The following HIF1A variants were observed in gnomAD, a reference collection of about 807,000 sequenced individuals.
HIF1A encodes the protein hypoxia-inducible factor 1-alpha.
In HIF1A, 24 loss-of-function variants were observed where a neutral mutation model predicts 92.7. That is an observed-to-expected ratio of 0.26 (90% confidence interval 0.19 to 0.36). The LOEUF (loss-of-function observed/expected upper bound fraction) is 0.36, where lower values mean the gene tolerates loss of function less well. HIF1A is among the 10% of genes least tolerant of loss of function. HIF1A has a pLI of 1.00. For missense variants in HIF1A, 799 were observed against 998.5 expected (o/e 0.80, Z 2.69); for synonymous variants, 319 against 338.7 (o/e 0.94, Z 0.64).
chr14:61,697,457 CT>C (rs577703221), intron 1 of HIF1A, among the ~76,000 whole-genome samples: 1 of 152,118 alleles, frequency 6.6e-6, no homozygotes, highest in Non-Finnish European at 1.5e-5. Context: ...TTATGTACCA[CT>C]TTTTTTATAT....
At position 61,747,355 on chromosome 14, in the gene HIF1A, T is replaced by G. The variant is rs2044806751; in HGVS notation, c.*270T>G. On this transcript the variant is annotated 3_prime_UTR_variant, in exon 15 of 15. Transcript: ENST00000337138. Reference sequence around the variant, plus strand: ...AGCATCATTTTAAAAAATGCACCTTTTTATTTATTTATTTTTGGCTAGGGA... The same window carrying G: ...AGCATCATTTTAAAAAATGCACCTTGTTATTTATTTATTTTTGGCTAGGGA... The G allele has an allele frequency of 8.6e-6, 2 of 233,834 alleles. No individual in the cohort carries two copies. The highest frequency in any genetic ancestry group is 1.6e-5 in the Non-Finnish European group (2 of 122,058). 14.5% of individuals were successfully genotyped at this position (233,834 alleles called of 1,614,324 possible). A position where few individuals can be genotyped will look rare whatever the true frequency, so the allele number is the denominator to read the frequency against.
At chr14:61,700,383 A>G (rs547754587) in intron 1 of HIF1A, among the ~76,000 whole-genome samples, 1 of 152,300 alleles carries the variant, frequency 6.6e-6, no homozygotes, top group Admixed American at 6.5e-5. Context: ...GATGCCTCAT[A>G]TAAATAGAAT....
At chr14:61,700,287 C>A (rs979392261) in intron 1 of HIF1A, among the ~76,000 whole-genome samples, 2 of 152,076 alleles carry the variant, frequency 1.3e-5, no homozygotes, top group Non-Finnish European at 2.9e-5. Flanking sequence ...GAAATCTTAC[C>A]CATTAAACAA....
intron 7 of HIF1A, 46 bp downstream of exon 7, chr14:61,732,570 T>C: frequency 1.7e-6 from 2 of 1,194,184 alleles, no homozygotes; most frequent in Non-Finnish European, 2.5e-6. Flanking sequence ...TACTTAACTG[T>C]TGCAACCTCT....
chr14:61,745,938 T>C, intron 14 of HIF1A, 121 bp downstream of exon 14: 1 of 945,274 alleles, frequency 1.1e-6, no homozygotes, highest in South Asian at 1.7e-5. Context: ...AAAAGTAAAG[T>C]TGTGGCTGGG....
At chr14:61,733,073 TTTTTA>T (rs201955172) in intron 7 of HIF1A, among the ~76,000 whole-genome samples, 3,002 of 152,218 alleles carry the variant, frequency 0.02, 41 homozygotes, top group African/African-American at 0.028. Flanking sequence ...CTTTTGGTTA[TTTTTA>T]TTTTATTTTA....
chr14:61,712,073 TAATC>T (rs1030460044), intron 1 of HIF1A, among the ~76,000 whole-genome samples: 1 of 152,202 alleles, frequency 6.6e-6, no homozygotes, highest in African/African-American at 2.4e-5. Flanking sequence ...GAAAATAAAA[TAATC>T]AAGTAAGATA....
Position 61,732,387 on chromosome 14 carries a change from T to C in HIF1A, c.774-31T>C. Reference sequence around the variant, plus strand: ...TTTTCTTTATCAGTGTCTCCCTTTTTTTTCTTAAATCTTGTATTTTTTACT... The same window carrying C: ...TTTTCTTTATCAGTGTCTCCCTTTTCTTTCTTAAATCTTGTATTTTTTACT... On this transcript the variant is annotated intron_variant, in intron 6 of 14. Transcript: ENST00000337138. 5 of 1,458,642 alleles carry C rather than the reference T, an allele frequency of 3.4e-6. No individual in the cohort carries two copies. The East Asian group carries it at 9.1e-5, about 27-fold the overall frequency. The allele number at this position is 1,458,642 out of a possible 1,614,324, so 90.4% of individuals were successfully genotyped here.
chr14:61,698,590 T>TC (rs2044141862), intron 1 of HIF1A, among the ~76,000 whole-genome samples: 2 of 152,336 alleles, frequency 1.3e-5, no homozygotes, highest in Admixed American at 1.3e-4. Flanking sequence ...TGCTAGTCCT[T>TC]CCAGCTGTTT....
At position 61,745,715 on chromosome 14, in the gene HIF1A, G is replaced by A; in HGVS notation, c.2227G>A (p.Asp743Asn). The A allele has an allele frequency of 1.9e-6, 3 of 1,612,856 alleles. No individual in the cohort carries two copies. The highest frequency in any genetic ancestry group is 2.5e-6 in the Non-Finnish European group (3 of 1,178,980). Reference sequence around the variant, plus strand: ...GGGAACATTATTACAGCAGCCAGACGATCATGCAGCTACTACATCACTTTC... The same window carrying A: ...GGGAACATTATTACAGCAGCCAGACAATCATGCAGCTACTACATCACTTTC... ...GIGTLLQQPD[D>N]HAATTSLSWK... Residue 743 changes from aspartate (D) to asparagine (N), a missense_variant, in exon 14 of 15, where the codon GAT becomes AAT. Asp to Asn is a conservative substitution (Grantham distance 23). Transcript: ENST00000337138.
chr14:61,739,419 A>G (rs879557245), intron 10 of HIF1A, among the ~76,000 whole-genome samples: 5 of 152,218 alleles, frequency 3.3e-5, no homozygotes, highest in Non-Finnish European at 5.9e-5. Context: ...TCTGAACATT[A>G]TAACTTGATA....
intron 6 of HIF1A, among the ~76,000 whole-genome samples, chr14:61,731,553 C>T (rs1364051055): frequency 1.3e-5 from 2 of 152,110 alleles, no homozygotes; most frequent in African/African-American, 4.8e-5. Flanking sequence ...CTTCAAAAAC[C>T]AACATAATTC....
intron 1 of HIF1A, among the ~76,000 whole-genome samples, chr14:61,719,721 A>C (rs2044403708): frequency 6.6e-6 from 1 of 152,166 alleles, no homozygotes. Context: ...TGTGTGTGCC[A>C]CAGCTTTTTT....
chr14:61,733,055 G>A (rs930961892), intron 7 of HIF1A, among the ~76,000 whole-genome samples: 4 of 152,022 alleles, frequency 2.6e-5, no homozygotes, highest in African/African-American at 7.2e-5. Context: ...AAACAATCCA[G>A]TTATACTCTT....
chr14:61,728,872 C>A (rs181631219), intron 6 of HIF1A, among the ~76,000 whole-genome samples: 1 of 152,058 alleles, frequency 6.6e-6, no homozygotes, highest in Admixed American at 6.6e-5. Context: ...GAAAATGCCT[C>A]AAATGCTTCC....
At chr14:61,735,691 A>G (rs2044626871) in intron 8 of HIF1A, among the ~76,000 whole-genome samples, 1 of 152,258 alleles carries the variant, frequency 6.6e-6, no homozygotes, top group African/African-American at 2.4e-5. Context: ...CCAAACGTGA[A>G]GATAAACTAT....
At chr14:61,716,344 A>G (rs2044363604) in intron 1 of HIF1A, among the ~76,000 whole-genome samples, 1 of 152,204 alleles carries the variant, frequency 6.6e-6, no homozygotes, top group Admixed American at 6.5e-5. Flanking sequence ...TCCTGTAGAA[A>G]TACTGACGCA....
intron 4 of HIF1A, among the ~76,000 whole-genome samples, chr14:61,722,532 G>A (rs914079103): frequency 2.0e-5 from 3 of 152,254 alleles, no homozygotes; most frequent in South Asian, 4.1e-4. Context: ...ACCACACCTG[G>A]TGGAGTTAAA....
At chr14:61,740,074 T>TTTTTC (rs1368939137) in intron 10 of HIF1A, 1 of 127,426 alleles carries the variant, frequency 7.8e-6, no homozygotes, top group Non-Finnish European at 1.7e-5. Flanking sequence ...TTTTTTTTTT[T>TTTTTC]TTTTTTTTTT....
Sources: gnomAD v4.1 joint callset for allele counts (sites outside exome capture counted in the v4.1 genomes callset) on GRCh38, gnomAD v4.1.1 for gene constraint, MANE v1.5 for transcripts, NCBI Gene and HGNC (gene_info 2026-07-23, HGNC 2026-07-21) for gene names.